The following HMGCS2 variants were observed in gnomAD, a reference collection of about 807,000 sequenced individuals.
HMGCS2 encodes hydroxymethylglutaryl-CoA synthase, mitochondrial.
A neutral mutation model predicts 57.4 loss-of-function variants in HMGCS2; 50 were observed. The observed-to-expected ratio is 0.87, with a 90% CI of 0.69 to 1.10. HMGCS2 has a LOEUF of 1.10. HMGCS2 is among the 50% of genes least tolerant of loss of function. The pLI, the probability that HMGCS2 is intolerant of heterozygous loss-of-function variation, is 0.00. For missense variants in HMGCS2, 627 were observed against 636.5 expected (o/e 0.99, Z 0.16); for synonymous variants, 254 against 245.1 (o/e 1.04, Z -0.34).
Position 119,759,248 on chromosome 1 carries a change from G to C in HMGCS2, c.720C>G (p.Asp240Glu). 1 of 1,614,054 alleles carries C rather than the reference G, an allele frequency of 6.2e-7. No homozygotes were observed. The highest frequency in any genetic ancestry group is 8.5e-7 in the Non-Finnish European group (1 of 1,179,946). ...LRGTHMENVY[D>E]FYKPNLASEY... ...CCGAGGCCAAATTTGGTTTGTAGAA[G>C]TCATACACATTCTCCATATGGGTTC... Residue 240 changes from aspartate (D) to glutamate (E), a missense_variant, in exon 4 of 10, where the codon GAC (aspartate) becomes GAG (glutamate). Physicochemically the swap from Asp to Glu is conservative, Grantham distance 45 (BLOSUM62 2). Transcript: ENST00000369406.
At chr1:119,755,868 A>G (rs895193374) in intron 5 of HMGCS2, among the ~76,000 whole-genome samples, 6 of 146,256 alleles carry the variant, frequency 4.1e-5, no homozygotes, top group Non-Finnish European at 7.5e-5. Context: ...TGTTGTGGTT[A>G]GCATACTTTC....
At position 119,764,632 on chromosome 1, in the gene HMGCS2, A is replaced by G. The variant is rs1452967906; in HGVS notation, c.105-6T>C. 6.2e-7 allele frequency: 1 copy of G among 1,608,948 alleles called. No homozygotes were observed. Among genetic ancestry groups the G allele is most frequent in the Admixed American group, 1.7e-5 (1 of 59,412 alleles). On this transcript the variant is annotated splice_region_variant and splice_polypyrimidine_tract_variant and intron_variant, in intron 1 of 9. Transcript: ENST00000369406. ...CAGCAGAGGCTGTAGAAAACCTGTG[A>G]TGGAGATAACAGTCAAACTCCCACT...
rs1347897263 is a variant in HMGCS2, at chr1:119,759,870, C to T, written c.679G>A (p.Glu227Lys). Residue 227 changes from glutamate to lysine, a missense_variant, in exon 3 of 10, where the codon GAG becomes AAG. Transcript: ENST00000369406. ...GTAATGGATTACTACAAACCTCGCTCCAGGGCCAGAGGGGCCTTGGGCCCA... is the reference window on the plus strand; with the variant it reads ...GTAATGGATTACTACAAACCTCGCTTCAGGGCCAGAGGGGCCTTGGGCCCA... ...LIGPKAPLALERGLRGTHMEN... is the reference protein window; with the variant it reads ...LIGPKAPLALKRGLRGTHMEN... The T allele has an allele frequency of 1.2e-6, 2 of 1,614,122 alleles. No individual in the cohort carries two copies. Among genetic ancestry groups the T allele is most frequent in the Admixed American group, 1.7e-5 (1 of 60,032 alleles).
At position 119,764,537 on chromosome 1, in the gene HMGCS2, G is replaced by T. The variant is rs1485324823; in HGVS notation, c.194C>A (p.Ala65Asp). 1 of 1,614,096 alleles carries T rather than the reference G, an allele frequency of 6.2e-7. No homozygotes were observed. The highest frequency in any genetic ancestry group is 1.7e-5 in the Admixed American group (1 of 60,022). ...CAGGTCAGTTTGGTCCACATATTGG[G>T]CTGGGAAGTAGACCTCCAGGGCCAG... is the stretch of plus-strand genomic sequence containing the variant. ...GILALEVYFP[A>D]QYVDQTDLEK... The change falls in exon 2 of 10, where the codon GCC becomes GAC. Residue 65 changes from alanine (A) to aspartate (D), a missense_variant. Physicochemically the swap from Ala to Asp is moderately radical, Grantham distance 126 (BLOSUM62 -2). Transcript: ENST00000369406.
At chr1:119,752,809 A>T in intron 7 of HMGCS2, 135 bp from the exon 8 acceptor site, 1 of 972,388 alleles carries the variant, frequency 1.0e-6, no homozygotes, top group Non-Finnish European at 1.6e-6. Context: ...GGCTTAGAAT[A>T]CCAAGAAATG....
Position 119,750,904 on chromosome 1 carries a change from A to G in HMGCS2, c.1425T>C (p.Asn475=), listed in dbSNP as rs751604096. ...NQREQFYHKV[N]FSPPGDTNSL... is the part of the protein sequence containing the mutation. ...TGTTTGTGTCACCAGGTGGGGAGAA[A>G]TTCACTGTGGAATGAGGAGAAGAGG... The change falls in exon 9 of 10, where the codon AAT becomes AAC. Residue 475 remains asparagine, a synonymous_variant. Coordinates refer to ENST00000369406, the MANE Select transcript of HMGCS2 (RefSeq NM_005518.4). The G allele has an allele frequency of 6.3e-7, 1 of 1,594,296 alleles. No homozygotes were observed. Among genetic ancestry groups the G allele is most frequent in the Non-Finnish European group, 8.6e-7 (1 of 1,162,074 alleles).
At chr1:119,753,138 TTAAATCCC>T in intron 7 of HMGCS2, 134 bp downstream of exon 7, 1 of 698,948 alleles carries the variant, frequency 1.4e-6, no homozygotes, top group East Asian at 2.7e-5. Context: ...TACTCCATGC[TTAAATCCC>T]TTCAGTGATT....
At chr1:119,753,986 G>A (rs1169688865) in intron 6 of HMGCS2, among the ~76,000 whole-genome samples, 2 of 151,402 alleles carry the variant, frequency 1.3e-5, no homozygotes, top group Admixed American at 1.3e-4. Flanking sequence ...CTGGGCTCAA[G>A]TGATCCTCCC....
intron 1 of HMGCS2, among the ~76,000 whole-genome samples, chr1:119,767,446 T>C (rs1415461885): frequency 6.6e-6 from 1 of 151,988 alleles, no homozygotes; most frequent in African/African-American, 2.4e-5. Flanking sequence ...TGCAGGTGTA[T>C]AGGGGAGCAG....
intron 5 of HMGCS2, among the ~76,000 whole-genome samples, chr1:119,756,437 C>A (rs17186247): frequency 6.6e-6 from 1 of 151,984 alleles, no homozygotes; most frequent in Admixed American, 6.6e-5. Flanking sequence ...GCTGGTCTTA[C>A]AAGCAGTGTT....
chr1:119,751,470 A>ACC (rs1652659426), intron 8 of HMGCS2, among the ~76,000 whole-genome samples: 2 of 150,748 alleles, frequency 1.3e-5, no homozygotes, highest in Non-Finnish European at 2.9e-5. Context: ...GGGTTCAAGT[A>ACC]ATTCTCCTCA....
chr1:119,749,091 A>AG (rs1276532940), intron 9 of HMGCS2, among the ~76,000 whole-genome samples: 3 of 152,206 alleles, frequency 2.0e-5, no homozygotes, highest in Non-Finnish European at 4.4e-5. Context: ...CAGGAGAGGC[A>AG]GGCTAGGGCG....
rs866803752 is a variant in HMGCS2 at position 119,764,582 on chromosome 1, C to T, written c.149G>A (p.Trp50Ter). The T allele has an allele frequency of 6.2e-7, 1 of 1,614,162 alleles. No homozygotes were observed. Among genetic ancestry groups the T allele is most frequent in the Non-Finnish European group, 8.5e-7 (1 of 1,180,028 alleles). The change falls in exon 2 of 10, where the codon TGG becomes TAG. Residue 50 changes from tryptophan (W) to a stop codon, truncating the protein, a stop_gained. Coordinates refer to ENST00000369406, the MANE Select transcript of HMGCS2 (RefSeq NM_005518.4). LOFTEE classifies it high-confidence loss of function. ...GGCCAGGATGCCCACGTCCTTTGGC[C>T]AAGTATCTGTTTTGGCCAGGGGGAC... ...SAVPLAKTDT[W>*]PKDVGILALE...
At chr1:119,763,971 T>G (rs879826910) in intron 2 of HMGCS2, among the ~76,000 whole-genome samples, 1 of 152,214 alleles carries the variant, frequency 6.6e-6, no homozygotes, top group Non-Finnish European at 1.5e-5. Context: ...AAGAATTAAA[T>G]GAATGGCTAT....
intron 4 of HMGCS2, among the ~76,000 whole-genome samples, chr1:119,757,662 T>C (rs1652895327): frequency 6.6e-6 from 1 of 152,198 alleles, no homozygotes; most frequent in Admixed American, 6.5e-5. Context: ...GTATCTACTA[T>C]TACCAGCCTC....
chr1:119,759,255 A>G lies in HMGCS2; in HGVS notation c.713T>C (p.Val238Ala), dbSNP rs1652955948. The change falls in exon 4 of 10, where the codon GTG becomes GCG. Residue 238 changes from valine (V) to alanine (A), a missense_variant. Coordinates refer to ENST00000369406, the MANE Select transcript of HMGCS2 (RefSeq NM_005518.4). ...CAAATTTGGTTTGTAGAAGTCATAC[A>G]CATTCTCCATATGGGTTCCCCTCAG... ...RGLRGTHMEN[V>A]YDFYKPNLAS... The G allele has an allele frequency of 1.2e-6, 2 of 1,614,052 alleles. No homozygotes were observed. Among genetic ancestry groups the G allele is most frequent in the Non-Finnish European group, 1.7e-6 (2 of 1,179,924 alleles).
At chr1:119,763,291 T>C (rs1384659965) in intron 2 of HMGCS2, among the ~76,000 whole-genome samples, 3 of 152,266 alleles carry the variant, frequency 2.0e-5, no homozygotes, top group Non-Finnish European at 4.4e-5. Flanking sequence ...TGATTAATTT[T>C]ATAATTAATG....
chr1:119,752,663 C>T lies in HMGCS2; in HGVS notation c.1306G>A (p.Asp436Asn), dbSNP rs1652700847. Residue 436 changes from aspartate to asparagine, a missense_variant, in exon 8 of 10, where the codon GAC (aspartate) becomes AAC (asparagine). Asp to Asn is a conservative substitution (Grantham distance 23). Transcript: ENST00000369406. ...SQDAAPGSPL[D>N]KLVSSTSDLP... Reference sequence around the variant, plus strand: ...TCTGATGTGCTGGACACCAACTTGTCCAGGGGAGAGCCTGGGAAGCAAAAG... The same window carrying T: ...TCTGATGTGCTGGACACCAACTTGTTCAGGGGAGAGCCTGGGAAGCAAAAG... The T allele has an allele frequency of 6.2e-7, 1 of 1,614,060 alleles. No individual in the cohort carries two copies. Among genetic ancestry groups the T allele is most frequent in the Non-Finnish European group, 8.5e-7 (1 of 1,179,976 alleles).
chr1:119,767,687 A>C (rs1255664443), intron 1 of HMGCS2, among the ~76,000 whole-genome samples: 1 of 152,242 alleles, frequency 6.6e-6, no homozygotes, highest in East Asian at 1.9e-4. Flanking sequence ...GGAAATGGGA[A>C]TGATTCCAAG....
Sources: allele counts gnomAD v4.1 joint callset (sites outside exome capture counted in the v4.1 genomes callset), GRCh38; gene constraint gnomAD v4.1.1; transcripts MANE v1.5; gene names NCBI Gene and HGNC (gene_info 2026-07-23, HGNC 2026-07-21).